ZNF407: variants seen among roughly 807,000 people sequenced by gnomAD.
The protein encoded by ZNF407 is zinc finger protein 407.
A neutral mutation model predicts 131.2 loss-of-function variants in ZNF407; 17 were observed. That is an observed-to-expected ratio of 0.13 (90% CI 0.09 to 0.19). The LOEUF (loss-of-function observed/expected upper bound fraction) is 0.19, where lower values mean the gene tolerates loss of function less well. Ranked by LOEUF, ZNF407 falls within the 10% of genes least tolerant of loss-of-function variation. The pLI is 1.00. For missense variants in ZNF407, 2,681 were observed against 2,830.6 expected (o/e 0.95, Z 1.20); for synonymous variants, 1,156 against 1,062.0 (o/e 1.09, Z -1.72).
chr18:74,713,691 A>G (rs1368486282), intron 3 of ZNF407, among the ~76,000 whole-genome samples: 1 of 152,132 alleles, frequency 6.6e-6, no homozygotes, highest in East Asian at 1.9e-4. Flanking sequence ...ATATCTCCCA[A>G]ATTTTGTAAT....
At chr18:74,716,340 A>G (rs770971747) in intron 3 of ZNF407, among the ~76,000 whole-genome samples, 3 of 152,120 alleles carry the variant, frequency 2.0e-5, no homozygotes, top group South Asian at 2.1e-4. Context: ...TATTTTATTC[A>G]TTTGTTCTTA....
chr18:74,764,011 C>T (rs2144981327), intron 3 of ZNF407, among the ~76,000 whole-genome samples: 1 of 152,178 alleles, frequency 6.6e-6, no homozygotes, highest in East Asian at 1.9e-4. Flanking sequence ...CCGCGCCCGG[C>T]CATCTTTGAT....
In ZNF407 at chr18:74,600,680, C is replaced by T. The variant is rs908360062; in HGVS notation, c.-54+2743C>T. Among the ~76,000 whole-genome samples the T allele has an allele frequency of 2.0e-5, 3 of 152,092 alleles. No homozygotes were observed. The South Asian group carries it at 6.2e-4, about 32-fold the overall frequency. Reference sequence around the variant, plus strand: ...CGACCAGAGAATGAACAGGAACTCACTGGGCAAAGAGATAAAGAGCGGTTA... The same window carrying T: ...CGACCAGAGAATGAACAGGAACTCATTGGGCAAAGAGATAAAGAGCGGTTA... On this transcript the variant is annotated intron_variant, in intron 1 of 8. Transcript: ENST00000299687.
At chr18:74,819,817 T>G (rs1387817554) in intron 4 of ZNF407, among the ~76,000 whole-genome samples, 6 of 152,182 alleles carry the variant, frequency 3.9e-5, no homozygotes, top group Non-Finnish European at 2.9e-5. Flanking sequence ...CTGAATTATT[T>G]TCTTGACATT....
chr18:74,949,135 A>G (rs1599259251), intron 8 of ZNF407, among the ~76,000 whole-genome samples: 2 of 152,218 alleles, frequency 1.3e-5, no homozygotes. Context: ...AGAAGAAACT[A>G]TTTATGATAT....
chr18:74,894,565 G>T (rs957240906), intron 7 of ZNF407, among the ~76,000 whole-genome samples: 1 of 152,056 alleles, frequency 6.6e-6, no homozygotes, highest in Non-Finnish European at 1.5e-5. Flanking sequence ...TTCCACATCA[G>T]AGTGGATGTG....
chr18:74,777,012 G>A (rs941544046), intron 3 of ZNF407, among the ~76,000 whole-genome samples: 6 of 152,112 alleles, frequency 3.9e-5, no homozygotes, highest in Non-Finnish European at 5.9e-5. Context: ...GGAGAAAATC[G>A]TAGCAGAAGT....
Position 74,635,721 on chromosome 18 carries a change from A to C in ZNF407, c.4687+15A>C. On this transcript the variant is annotated intron_variant, in intron 2 of 8. Coordinates refer to ENST00000299687, the MANE Select transcript of ZNF407 (RefSeq NM_017757.3). The surrounding 1 kb of genome is among the most constrained non-coding windows in gnomAD (Gnocchi z 4.7). ...CACTCACACAGGTATGTAGCTCTGC[A>C]GCAAGCCAAGTCAGTGAGGACATGG... 1 of 1,549,556 alleles carries C rather than the reference A, an allele frequency of 6.5e-7. No individual in the cohort carries two copies. Among genetic ancestry groups the C allele is most frequent in the Non-Finnish European group, 8.7e-7 (1 of 1,148,406 alleles).
intron 3 of ZNF407, among the ~76,000 whole-genome samples, chr18:74,719,957 G>A (rs550974028): frequency 1.2e-3 from 177 of 152,280 alleles, no homozygotes; most frequent in African/African-American, 3.9e-3. Flanking sequence ...CAGTAAACAT[G>A]GCGGTGCTGA....
chr18:74,888,688 A>G (rs893256298), intron 6 of ZNF407, among the ~76,000 whole-genome samples: 3 of 152,192 alleles, frequency 2.0e-5, no homozygotes, highest in African/African-American at 7.2e-5. Context: ...AAAATTAAAT[A>G]TCCTTGTTTT....
At chr18:74,899,271 T>C (rs144993318) in intron 7 of ZNF407, among the ~76,000 whole-genome samples, 5 of 152,150 alleles carry the variant, frequency 3.3e-5, no homozygotes, top group Admixed American at 2.0e-4. Context: ...TAAAAGACAA[T>C]TGCAAAGGTA....
At chr18:75,020,278 G>A (rs978531497) in intron 8 of ZNF407, among the ~76,000 whole-genome samples, 1 of 150,040 alleles carries the variant, frequency 6.7e-6, no homozygotes, top group African/African-American at 2.5e-5. Flanking sequence ...ATATGTGTGT[G>A]TATATGTGTG....
intron 8 of ZNF407, among the ~76,000 whole-genome samples, chr18:74,961,526 C>T (rs879422619): frequency 6.6e-6 from 1 of 152,048 alleles, no homozygotes; most frequent in Admixed American, 6.6e-5. Flanking sequence ...TGAGACCAGC[C>T]TGGGCAACAT....
At chr18:74,832,573 C>T (rs766652019) in intron 4 of ZNF407, among the ~76,000 whole-genome samples, 6 of 151,886 alleles carry the variant, frequency 4.0e-5, no homozygotes, top group Non-Finnish European at 7.4e-5. Flanking sequence ...TGTAAGCTCA[C>T]AGGCATGAGC....
At chr18:75,020,316 ATGTGTGTG>A (rs56845489) in intron 8 of ZNF407, among the ~76,000 whole-genome samples, 8 of 149,644 alleles carry the variant, frequency 5.3e-5, no homozygotes, top group East Asian at 2.0e-4. Flanking sequence ...GTGTATGTGC[ATGTGTGTG>A]TGTGTGTGTG....
At chr18:74,916,907 G>A (rs1384742808) in intron 7 of ZNF407, among the ~76,000 whole-genome samples, 1 of 152,130 alleles carries the variant, frequency 6.6e-6, no homozygotes, top group Non-Finnish European at 1.5e-5. Flanking sequence ...GCAAAACTCT[G>A]AAATTTGAAT....
At chr18:74,861,866 C>A (rs539741570) in intron 4 of ZNF407, among the ~76,000 whole-genome samples, 37 of 152,184 alleles carry the variant, frequency 2.4e-4, no homozygotes, top group Non-Finnish European at 5.1e-4. Flanking sequence ...AACTATGAAT[C>A]TGTAAATTAA....
chr18:74,638,640 C>G (rs182684872), intron 2 of ZNF407, among the ~76,000 whole-genome samples: 1 of 152,240 alleles, frequency 6.6e-6, no homozygotes, highest in East Asian at 1.9e-4. Context: ...TAAGGTACCA[C>G]AAAGATAGAG....
At chr18:74,692,491 G>A (rs1223791449) in intron 3 of ZNF407, among the ~76,000 whole-genome samples, 2 of 152,064 alleles carry the variant, frequency 1.3e-5, no homozygotes, top group Non-Finnish European at 2.9e-5. Context: ...ATTCGTAGTT[G>A]AAGTAGGTAG....
Sources: gnomAD v4.1 joint callset for allele counts (sites outside exome capture counted in the v4.1 genomes callset) on GRCh38, gnomAD v4.1.1 for gene constraint, Gnocchi (gnomAD v3.1) non-coding constraint, MANE v1.5 for transcripts, NCBI Gene and HGNC (gene_info 2026-07-23, HGNC 2026-07-21) for gene names.